The following LHFPL3 variants were observed in gnomAD, a reference collection of about 807,000 sequenced individuals.
LHFPL3 encodes LHFPL tetraspan subfamily member 3.
Under a neutral mutation model 19.3 loss-of-function variants are expected in LHFPL3, and 5 were observed. The observed-to-expected ratio is 0.26, with a 90% CI of 0.14 to 0.54. The LOEUF is 0.54. LHFPL3 is among the 20% of genes least tolerant of loss of function. The pLI, the probability that LHFPL3 is intolerant of heterozygous loss-of-function variation, is 0.94. For missense variants in LHFPL3, 249 were observed against 307.4 expected, an observed-to-expected ratio of 0.81 and a Z score of 1.42; for synonymous variants, 133 against 126.2, an observed-to-expected ratio of 1.05 and a Z score of -0.36.
Position 104,712,165 on chromosome 7 carries a change from G to C in LHFPL3, c.446-24510G>C, listed in dbSNP as rs181449890. Among the ~76,000 whole-genome samples, 7 of 152,324 alleles carry C rather than the reference G, an allele frequency of 4.6e-5. No homozygotes were observed. The East Asian group carries it at 1.2e-3, about 25-fold the overall frequency. Reference sequence around the variant, plus strand: ...TAAAAGTAGAAGAAGAGGCAGAAGAGAAAGTCAGAGAGATGATATGTGAAA... The same window carrying C: ...TAAAAGTAGAAGAAGAGGCAGAAGACAAAGTCAGAGAGATGATATGTGAAA... On this transcript the variant is annotated intron_variant, in intron 1 of 2. Coordinates refer to ENST00000424859, the MANE Select transcript of LHFPL3 (RefSeq NM_199000.3).
intron 1 of LHFPL3, among the ~76,000 whole-genome samples, chr7:104,486,231 G>A (rs1043616623): frequency 3.3e-5 from 5 of 152,146 alleles, no homozygotes. Flanking sequence ...TGAGCAAAAT[G>A]TTCTCTTATG....
At chr7:104,886,627 A>C (rs1218695931) in intron 2 of LHFPL3, among the ~76,000 whole-genome samples, 1 of 152,198 alleles carries the variant, frequency 6.6e-6, no homozygotes, top group Non-Finnish European at 1.5e-5. Context: ...GGCCTCCCAA[A>C]GTGCTGGGAT....
intron 1 of LHFPL3, among the ~76,000 whole-genome samples, chr7:104,436,548 T>A (rs187497154): frequency 4.3e-3 from 651 of 152,338 alleles, no homozygotes; most frequent in African/African-American, 0.015. Flanking sequence ...CTTTATTTTT[T>A]AAAATCTTGG....
At chr7:104,485,584 T>G (rs2115673374) in intron 1 of LHFPL3, among the ~76,000 whole-genome samples, 1 of 152,356 alleles carries the variant, frequency 6.6e-6, no homozygotes, top group African/African-American at 2.4e-5. Context: ...GTATTTTCCC[T>G]TGATGCTCTG....
In LHFPL3 at chr7:104,543,903, TATAATA is replaced by T. The variant is rs199906129; in HGVS notation, c.446-192746_446-192741del. On this transcript the variant is annotated intron_variant, in intron 1 of 2. Coordinates refer to ENST00000424859, the MANE Select transcript of LHFPL3 (RefSeq NM_199000.3). ...CACATTGTGCACATGTACCCCAAAA[TATAATA>T]ATAATAATAATAATAATAATAATAA... Among the ~76,000 whole-genome samples the T allele has an allele frequency of 4.5e-3, 649 of 145,394 alleles. 9 individuals carry two copies. In the East Asian group the frequency reaches 0.072, roughly 16 times the overall value.
intron 1 of LHFPL3, among the ~76,000 whole-genome samples, chr7:104,560,644 T>C (rs552564159): frequency 6.8e-4 from 88 of 129,672 alleles, no homozygotes; most frequent in Non-Finnish European, 1.2e-3. Flanking sequence ...CTTGGATTCA[T>C]TAATTTTTTT....
At chr7:104,441,597 G>A (rs1367988279) in intron 1 of LHFPL3, among the ~76,000 whole-genome samples, 2 of 151,864 alleles carry the variant, frequency 1.3e-5, no homozygotes, top group African/African-American at 4.8e-5. Context: ...TTTTTTTTGA[G>A]ACAATGTCTT....
chr7:104,429,855 GA>G (rs980733098), intron 1 of LHFPL3, among the ~76,000 whole-genome samples: 8 of 150,552 alleles, frequency 5.3e-5, no homozygotes, highest in African/African-American at 7.3e-5. Flanking sequence ...TCCAAGCCAA[GA>G]AAAAAAAAGG....
At chr7:104,505,973 T>A (rs1157646991) in intron 1 of LHFPL3, among the ~76,000 whole-genome samples, 2 of 152,132 alleles carry the variant, frequency 1.3e-5, no homozygotes, top group African/African-American at 4.8e-5. Context: ...TAGGCATTTC[T>A]TTGAAAATGA....
chr7:104,332,557 A>G (rs1398007931), intron 1 of LHFPL3, among the ~76,000 whole-genome samples: 1 of 152,186 alleles, frequency 6.6e-6, no homozygotes, highest in Non-Finnish European at 1.5e-5. Flanking sequence ...TGATACATTA[A>G]GATGATGAAA....
intron 1 of LHFPL3, among the ~76,000 whole-genome samples, chr7:104,512,776 G>T (rs1793844923): frequency 6.6e-6 from 1 of 152,008 alleles, no homozygotes; most frequent in African/African-American, 2.4e-5. Flanking sequence ...AAGAAAGTAG[G>T]ACACAGGAAA....
intron 1 of LHFPL3, among the ~76,000 whole-genome samples, chr7:104,590,952 T>A (rs954697366): frequency 1.3e-5 from 2 of 152,166 alleles, no homozygotes; most frequent in African/African-American, 4.8e-5. Context: ...TTTTTTTTGC[T>A]TTCCATTTGC....
chr7:104,512,849 A>G (rs1793846035), intron 1 of LHFPL3, among the ~76,000 whole-genome samples: 1 of 152,196 alleles, frequency 6.6e-6, no homozygotes, highest in Non-Finnish European at 1.5e-5. Context: ...TGCTTGAGTT[A>G]TATCTTGGAG....
chr7:104,638,886 T>C (rs569754347), intron 1 of LHFPL3, among the ~76,000 whole-genome samples: 2 of 151,376 alleles, frequency 1.3e-5, no homozygotes, highest in African/African-American at 4.9e-5. Context: ...CCTCTCAGCC[T>C]CACAAGTAGC....
At chr7:104,796,429 CAG>C (rs1790128944) in intron 2 of LHFPL3, 1 of 152,130 alleles carries the variant, frequency 6.6e-6, no homozygotes, top group African/African-American at 2.4e-5. Context: ...AGGAACCTAA[CAG>C]AGAGTAAATG....
intron 2 of LHFPL3, among the ~76,000 whole-genome samples, chr7:104,866,603 T>G (rs1791727569): frequency 6.6e-6 from 1 of 152,080 alleles, no homozygotes; most frequent in Non-Finnish European, 1.5e-5. Context: ...ACAAAGAGAC[T>G]TAGACTCCCA....
intron 1 of LHFPL3, among the ~76,000 whole-genome samples, chr7:104,338,617 A>G (rs1789884555): frequency 6.6e-6 from 1 of 152,220 alleles, no homozygotes; most frequent in African/African-American, 2.4e-5. Context: ...ATTTTGTATT[A>G]GAAGGTAGAT....
At chr7:104,705,159 T>C (rs924376491) in intron 1 of LHFPL3, among the ~76,000 whole-genome samples, 1 of 152,306 alleles carries the variant, frequency 6.6e-6, no homozygotes, top group East Asian at 1.9e-4. Flanking sequence ...AGGTAGGTAA[T>C]TTTTTTCTTT....
At chr7:104,848,767 G>T (rs1184304225) in intron 2 of LHFPL3, among the ~76,000 whole-genome samples, 2 of 152,144 alleles carry the variant, frequency 1.3e-5, no homozygotes, top group Admixed American at 1.3e-4. Context: ...TCAGAAGAAG[G>T]GGCACATCTA....
Sources: allele counts gnomAD v4.1 joint callset (sites outside exome capture counted in the v4.1 genomes callset), GRCh38; gene constraint gnomAD v4.1.1; transcripts MANE v1.5; gene names NCBI Gene and HGNC (gene_info 2026-07-23, HGNC 2026-07-21).